Variants in MLLT6 observed in about 807,000 individuals in gnomAD.
MLLT6 encodes protein AF-17.
Under a neutral mutation model 103.0 loss-of-function variants are expected in MLLT6, and 22 were observed. The ratio of observed to expected loss-of-function variants is 0.21; its 90% CI spans 0.15 to 0.31. MLLT6 has a LOEUF of 0.31. Among genes scored for constraint, MLLT6 ranks in the 10% least tolerant of loss-of-function variants. MLLT6 has a pLI of 1.00. For missense variants in MLLT6, 1,199 were observed against 1,441.7 expected (o/e 0.83, Z 2.73); for synonymous variants, 606 against 623.5 (o/e 0.97, Z 0.42).
Position 38,719,840 on chromosome 17 carries a change from G to C in MLLT6, c.2100G>C (p.Thr700=). ...AGTTAGACCCGGCGGCCCCAGGGAC[G>C]ACTAACATGGAGCAGCTTCTGGAGA... ...GGQLDPAAPG[T]TNMEQLLEKQ... Residue 700 remains threonine, a synonymous_variant, in exon 14 of 20, where the codon ACG becomes ACC. Transcript: ENST00000621332. 1 of 1,611,278 alleles carries C rather than the reference G, an allele frequency of 6.2e-7. No homozygotes were observed. Among genetic ancestry groups the C allele is most frequent in the Non-Finnish European group, 8.5e-7 (1 of 1,179,128 alleles).
intron 19 of MLLT6, 191 bp downstream of exon 19, chr17:38,725,167 G>T: frequency 1.8e-6 from 1 of 561,648 alleles, no homozygotes; most frequent in South Asian, 2.4e-5. Flanking sequence ...AGAAAGATCC[G>T]ATCTGAGCAT....
rs778892483 is a variant in MLLT6, at chr17:38,720,762, G to C, written c.2442+15G>C. 3 of 1,611,620 alleles carry C rather than the reference G, an allele frequency of 1.9e-6. No homozygotes were observed. In the South Asian group the frequency reaches 3.3e-5, roughly 18 times the overall value. ...CTTCTTCTGAGGTGGGCGCTACGAGGAGTGGGGCAGGAAGGAGGGGGAGAC... is the reference window on the plus strand; with the variant it reads ...CTTCTTCTGAGGTGGGCGCTACGAGCAGTGGGGCAGGAAGGAGGGGGAGAC... On this transcript the variant is annotated intron_variant, in intron 16 of 19. Transcript: ENST00000621332.
At position 38,721,949 on chromosome 17, in the gene MLLT6, C is replaced by A; in HGVS notation, c.2514C>A (p.Pro838=). The A allele has an allele frequency of 6.5e-7, 1 of 1,528,106 alleles. No homozygotes were observed. The highest frequency in any genetic ancestry group is 2.5e-5 in the East Asian group (1 of 39,300). The allele number at this position is 1,528,106 out of a possible 1,614,324, so 94.7% of individuals were successfully genotyped here. ...LSFHSTPPPL[P]LLQQSPATLP... ...TCCACAGCACGCCCCCACCGCTGCC[C>A]CTCCTCCAGCAGAGCCCTGCCACTC... Residue 838 remains proline, a synonymous_variant, in exon 17 of 20, where the codon CCC becomes CCA. Coordinates refer to ENST00000621332, the MANE Select transcript of MLLT6 (RefSeq NM_005937.4).
intron 4 of MLLT6, among the ~76,000 whole-genome samples, chr17:38,708,846 C>T (rs1303970186): frequency 4.6e-5 from 7 of 152,230 alleles, no homozygotes; most frequent in Middle Eastern, 3.4e-3. Context: ...TGCAGTGAGC[C>T]GAGATCGTGC....
Position 38,717,583 on chromosome 17 carries a change from C to T in MLLT6, c.1803C>T (p.Pro601=), listed in dbSNP as rs1243866480. The T allele has an allele frequency of 6.2e-7, 1 of 1,613,840 alleles. No individual in the cohort carries two copies. Among genetic ancestry groups the T allele is most frequent in the Non-Finnish European group, 8.5e-7 (1 of 1,179,920 alleles). The change falls in exon 11 of 20, where the codon CCC becomes CCT. Residue 601 remains proline (P), a synonymous_variant. Transcript: ENST00000621332. ...LSRSPFTSTL[P]SSSASISTTQ... ...GCTCCCCGTTCACCAGCACCCTCCC[C>T]TCCTCTTCTGCTTCTATCTCCACCA...
chr17:38,723,423 T>TGGAGGC (rs1371792912), intron 18 of MLLT6, among the ~76,000 whole-genome samples: 1 of 151,886 alleles, frequency 6.6e-6, no homozygotes, highest in Non-Finnish European at 1.5e-5. Context: ...ACTGGGGAGG[T>TGGAGGC]GGAGGCTGCA....
rs555027497 is a variant in MLLT6, at chr17:38,729,223, T to C, written c.*3625T>C. On this transcript the variant is annotated 3_prime_UTR_variant, in exon 20 of 20. Transcript: ENST00000621332. ...TGGTGTGCAATGGGCCAGTTAGGGG[T>C]AGGCAGCTTGCACCCAGTTCTCCTT... The C allele has an allele frequency of 1.7e-5, 4 of 233,236 alleles. No individual in the cohort carries two copies. In the East Asian group the frequency reaches 2.4e-4, roughly 14 times the overall value. The allele number at this position is 233,236 out of a possible 1,614,324, so 14.4% of individuals were successfully genotyped here. A position where few individuals can be genotyped will look rare whatever the true frequency, so the allele number is the denominator to read the frequency against.
At position 38,728,319 on chromosome 17, in the gene MLLT6, C is replaced by T; in HGVS notation, c.*2721C>T. On this transcript the variant is annotated 3_prime_UTR_variant, in exon 20 of 20. Transcript: ENST00000621332. ...TAACGATCTCACCGTCTCCTAACCT[C>T]AGTCCCTTTTTTGAGAGTGAATGGT... 1 of 233,364 alleles carries T rather than the reference C, an allele frequency of 4.3e-6. No homozygotes were observed. Among genetic ancestry groups the T allele is most frequent in the African/African-American group, 2.2e-5 (1 of 45,474 alleles). 14.5% of individuals were successfully genotyped at this position (233,364 alleles called of 1,614,324 possible).
chr17:38,719,636 G>T (rs1252004554), intron 13 of MLLT6, 53 bp downstream of exon 13: 2 of 1,573,666 alleles, frequency 1.3e-6, no homozygotes, highest in Non-Finnish European at 1.7e-6. Context: ...GGACACCCGA[G>T]GGAGGAGGGA....
chr17:38,705,930 C>G (rs1218883112), intron 1 of MLLT6, 189 bp downstream of exon 1: 1 of 265,704 alleles, frequency 3.8e-6, no homozygotes, highest in South Asian at 1.7e-4. Context: ...TGTTTTCTTG[C>G]CTATTGTTCC....
At chr17:38,725,071 G>A in intron 19 of MLLT6, 95 bp downstream of exon 19, 1 of 941,970 alleles carries the variant, frequency 1.1e-6, no homozygotes, top group East Asian at 2.7e-5. Context: ...TCAGCAGGGG[G>A]AAGGAAGCAA....
At position 38,705,750 on chromosome 17, in the gene MLLT6, G is replaced by C. The variant is rs757361635; in HGVS notation, c.109+9G>C. The stretch of plus-strand genomic sequence containing the variant: ...CGTGGCCGTCCACCAAGGTACGGGG[G>C]TGGCCCGCGGGGGGCGGCGGGACCC... On this transcript the variant is annotated intron_variant, in intron 1 of 19. Coordinates refer to ENST00000621332, the MANE Select transcript of MLLT6 (RefSeq NM_005937.4). 3 of 1,364,334 alleles carry C rather than the reference G, an allele frequency of 2.2e-6. No homozygotes were observed. The highest frequency in any genetic ancestry group is 2.9e-6 in the Non-Finnish European group (3 of 1,043,432). The allele number at this position is 1,364,334 out of a possible 1,614,324, so 84.5% of individuals were successfully genotyped here. A position where few individuals can be genotyped will look rare whatever the true frequency, so the allele number is the denominator to read the frequency against.
At chr17:38,707,384 C>A in intron 2 of MLLT6, 102 bp from the exon 3 acceptor site, 2 of 1,092,540 alleles carry the variant, frequency 1.8e-6, no homozygotes, top group African/African-American at 1.6e-5. Context: ...CCCCATCCAT[C>A]CACCCTAGAG....
intron 6 of MLLT6, 31 bp from the exon 7 acceptor site, chr17:38,711,816 G>T: frequency 6.7e-7 from 1 of 1,491,238 alleles, no homozygotes; most frequent in Non-Finnish European, 9.0e-7. Context: ...TGAGAAGAGG[G>T]TTTGCAATTT....
At chr17:38,722,602 A>G (rs2143708270) in intron 17 of MLLT6, 76 bp from the exon 18 acceptor site, 2 of 815,900 alleles carry the variant, frequency 2.5e-6, no homozygotes, top group South Asian at 1.5e-5. Context: ...GCTTGGGATT[A>G]GGAGCAGGAG....
At position 38,712,710 on chromosome 17, in the gene MLLT6, G is replaced by T; in HGVS notation, c.740G>T (p.Arg247Leu). 6.2e-7 allele frequency: 1 copy of T among 1,613,676 alleles called. No homozygotes were observed. Among genetic ancestry groups the T allele is most frequent in the African/African-American group, 1.3e-5 (1 of 74,978 alleles). Residue 247 changes from arginine (R) to leucine (L), a missense_variant, in exon 8 of 20, where the codon CGC (arginine) becomes CTC (leucine). Coordinates refer to ENST00000621332, the MANE Select transcript of MLLT6 (RefSeq NM_005937.4). ...CTCCAGAGTCGAAAGGACAAAGAACGCCTTAAGCAGAAGCACAAGAAGCGG... is the reference window on the plus strand; with the variant it reads ...CTCCAGAGTCGAAAGGACAAAGAACTCCTTAAGCAGAAGCACAAGAAGCGG... The part of the protein sequence containing the change: ...GQKKSRKDKE[R>L]LKQKHKKRPE...
chr17:38,707,678 AG>A, intron 3 of MLLT6, 84 bp from the exon 4 acceptor site: 2 of 1,227,556 alleles, frequency 1.6e-6, no homozygotes, highest in Non-Finnish European at 2.4e-6. Flanking sequence ...GCTGTGGAGG[AG>A]GGAACAGTCT....
At position 38,727,079 on chromosome 17, in the gene MLLT6, CTT is replaced by C. The variant is rs1906074226; in HGVS notation, c.*1483_*1484del. The C allele has an allele frequency of 4.3e-6, 1 of 231,516 alleles. No homozygotes were observed. The highest frequency in any genetic ancestry group is 8.5e-6 in the Non-Finnish European group (1 of 117,764). 14.3% of individuals were successfully genotyped at this position (231,516 alleles called of 1,614,324 possible). ...CCCCAGGCTCCGGCCTTGTCAGTCT[CTT>C]TGCATGTGTGGATTTTTCTGTGTGT... On this transcript the variant is annotated 3_prime_UTR_variant, in exon 20 of 20. Coordinates refer to ENST00000621332, the MANE Select transcript of MLLT6 (RefSeq NM_005937.4).
rs1260353318 is a variant in MLLT6 at position 38,728,168 on chromosome 17, C to G, written c.*2570C>G. 3.0e-5 allele frequency: 7 copies of G among 233,218 alleles called. No homozygotes were observed. The highest frequency in any genetic ancestry group is 5.1e-5 in the Non-Finnish European group (6 of 118,108). 14.4% of individuals were successfully genotyped at this position (233,218 alleles called of 1,614,324 possible). A position where few individuals can be genotyped will look rare whatever the true frequency, so the allele number is the denominator to read the frequency against. ...AGGCTGGGTATGAACGGGTGCAGCC[C>G]TCTTCTCCTCTTCCCCCCCACATCT... On this transcript the variant is annotated 3_prime_UTR_variant, in exon 20 of 20. Transcript: ENST00000621332.
Sources: gnomAD v4.1 joint callset for allele counts (sites outside exome capture counted in the v4.1 genomes callset) on GRCh38, gnomAD v4.1.1 for gene constraint, MANE v1.5 for transcripts, NCBI Gene and HGNC (gene_info 2026-07-23, HGNC 2026-07-21) for gene names.